Variants in FRAS1 observed in about 807,000 individuals in gnomAD.
FRAS1 encodes extracellular matrix organizing protein FRAS1.
FRAS1 carries 290 observed loss-of-function variants against 435.2 expected under a neutral mutation model. That is an observed-to-expected ratio of 0.67 (90% CI 0.61 to 0.73). The LOEUF (loss-of-function observed/expected upper bound fraction) is 0.73. Ranked by LOEUF, FRAS1 falls within the 30% of genes least tolerant of loss-of-function variation. FRAS1 has a pLI of 0.00. For missense variants in FRAS1, 4,860 were observed against 5,001.5 expected (o/e 0.97, Z 0.85); for synonymous variants, 1,800 against 1,851.0 (o/e 0.97, Z 0.71).
chr4:78,346,753 C>T (rs1730617331), intron 20 of FRAS1, among the ~76,000 whole-genome samples: 1 of 152,116 alleles, frequency 6.6e-6, no homozygotes, highest in Admixed American at 6.5e-5. Flanking sequence ...CTTCTATTAC[C>T]TCTTTTTCCT....
chr4:78,450,032 C>A, intron 44 of FRAS1, 119 bp from the exon 45 acceptor site: 3 of 654,372 alleles, frequency 4.6e-6, no homozygotes, highest in Non-Finnish European at 7.5e-6. Flanking sequence ...AGGGCAAGTG[C>A]CTGGTACCTA....
intron 56 of FRAS1, 92 bp from the exon 57 acceptor site, chr4:78,481,712 A>G: frequency 1.4e-6 from 2 of 1,390,728 alleles, no homozygotes; most frequent in East Asian, 2.3e-5. Flanking sequence ...AAAAGCTGCC[A>G]CTATTGCAGT....
chr4:78,070,270 T>C (rs1201217021), intron 2 of FRAS1, among the ~76,000 whole-genome samples: 1 of 148,612 alleles, frequency 6.7e-6, no homozygotes, highest in Non-Finnish European at 1.5e-5. Context: ...TATATATATA[T>C]ATATACCTCC....
chr4:78,533,443 G>A (rs1721782287), intron 70 of FRAS1, among the ~76,000 whole-genome samples: 1 of 152,218 alleles, frequency 6.6e-6, no homozygotes, highest in Non-Finnish European at 1.5e-5. Flanking sequence ...GGGAAGAGTA[G>A]CTGGAGATGA....
intron 14 of FRAS1, among the ~76,000 whole-genome samples, chr4:78,304,228 C>G (rs1728580375): frequency 6.6e-6 from 1 of 152,010 alleles, no homozygotes; most frequent in Admixed American, 6.6e-5. Flanking sequence ...GGTGGATAAC[C>G]TTTTTGATGT....
intron 30 of FRAS1, among the ~76,000 whole-genome samples, chr4:78,404,747 G>A (rs1560708446): frequency 6.6e-6 from 1 of 152,134 alleles, no homozygotes; most frequent in Non-Finnish European, 1.5e-5. Flanking sequence ...CTTAGTTCAG[G>A]TTCCCATCTC....
chr4:78,450,591 A>C, intron 45 of FRAS1: 1 of 452,070 alleles, frequency 2.2e-6, no homozygotes, highest in Non-Finnish European at 4.0e-6. Context: ...TGGAGAGAAA[A>C]AGTTATTTTG....
At chr4:78,499,608 A>G (rs1284734863) in intron 60 of FRAS1, 113 bp from the exon 61 acceptor site, 2 of 969,352 alleles carry the variant, frequency 2.1e-6, no homozygotes, top group African/African-American at 3.3e-5. Context: ...TTGCCTTCAT[A>G]CTGTTAACTA....
chr4:78,315,848 CT>C, intron 16 of FRAS1, 114 bp downstream of exon 16: 1 of 1,136,388 alleles, frequency 8.8e-7, no homozygotes, highest in African/African-American at 1.5e-5. Flanking sequence ...GAAAGCATAA[CT>C]TTAAAAGATA....
At chr4:78,460,442 T>C (rs1425451452) in intron 47 of FRAS1, among the ~76,000 whole-genome samples, 1 of 152,228 alleles carries the variant, frequency 6.6e-6, no homozygotes, top group East Asian at 1.9e-4. Context: ...AGGGACAATA[T>C]GTTATTAGAA....
In FRAS1 at chr4:78,099,541, CTT is replaced by C. The variant is rs541616265; in HGVS notation, c.108+33526_108+33527del. Among the ~76,000 whole-genome samples, 343 of 152,290 alleles carry C rather than the reference CTT, an allele frequency of 2.3e-3. 3 individuals carry two copies. The highest frequency in any genetic ancestry group is 3.9e-3 in the Non-Finnish European group (265 of 68,018). ...ATTGAATATATCTATTGAATAAACT[CTT>C]ATAAACACTTACTATGTTCCTGGCA... On this transcript the variant is annotated intron_variant, in intron 2 of 73. Transcript: ENST00000512123.
chr4:78,272,515 C>T (rs1354403062), intron 9 of FRAS1, among the ~76,000 whole-genome samples: 1 of 152,198 alleles, frequency 6.6e-6, no homozygotes, highest in Admixed American at 6.5e-5. Context: ...GATCCAGTTT[C>T]AGCCTTCTAC....
At chr4:78,239,056 C>G (rs1724886032) in intron 3 of FRAS1, among the ~76,000 whole-genome samples, 1 of 152,156 alleles carries the variant, frequency 6.6e-6, no homozygotes, top group Non-Finnish European at 1.5e-5. Flanking sequence ...ATGTATAGAC[C>G]TTGGCTGCAA....
chr4:78,138,006 C>T (rs961553641), intron 2 of FRAS1, among the ~76,000 whole-genome samples: 23 of 152,132 alleles, frequency 1.5e-4, no homozygotes, highest in African/African-American at 4.6e-4. Flanking sequence ...TATTAGTGGT[C>T]GGGTGCACCC....
At chr4:78,419,893 TCTCACTCA>T (rs745520188) in intron 33 of FRAS1, among the ~76,000 whole-genome samples, 2 of 151,912 alleles carry the variant, frequency 1.3e-5, no homozygotes, top group African/African-American at 4.8e-5. Flanking sequence ...TTGTTTAAAA[TCTCACTCA>T]CTCACTCACT....
chr4:78,274,937 G>A (rs995085174), intron 9 of FRAS1, among the ~76,000 whole-genome samples: 8 of 152,136 alleles, frequency 5.3e-5, no homozygotes, highest in Non-Finnish European at 1.0e-4. Context: ...CATTATTATT[G>A]TGTGGGAGTC....
rs1734526946 is a variant in FRAS1 at position 78,438,699 on chromosome 4, A to G, written c.5347A>G (p.Ile1783Val). The G allele has an allele frequency of 1.2e-6, 2 of 1,601,258 alleles. No individual in the cohort carries two copies. The highest frequency in any genetic ancestry group is 2.2e-5 in the East Asian group (1 of 44,700). Residue 1783 changes from isoleucine to valine, a missense_variant, in exon 39 of 74, where the codon ATC becomes GTC. Ile to Val is a conservative substitution (Grantham distance 29). Transcript: ENST00000512123. ...SEVSNFTMED[I>V]NNKKIRYSAV... ...AGTTTCCAATTTCACAATGGAAGACATCAATAACAAGAAAATCAGGTACAT... is the reference window on the plus strand; with the variant it reads ...AGTTTCCAATTTCACAATGGAAGACGTCAATAACAAGAAAATCAGGTACAT...
At chr4:78,201,055 A>G (rs1055090587) in intron 2 of FRAS1, among the ~76,000 whole-genome samples, 3 of 152,044 alleles carry the variant, frequency 2.0e-5, no homozygotes, top group African/African-American at 4.8e-5. Flanking sequence ...AACTTTGTTC[A>G]TACTTTTCTG....
chr4:78,232,564 C>T (rs1276482155), intron 2 of FRAS1, among the ~76,000 whole-genome samples: 7 of 152,226 alleles, frequency 4.6e-5, no homozygotes, highest in South Asian at 4.2e-4. Context: ...GGATTACAGG[C>T]GTGAGCCACC....
Sources: gnomAD v4.1 joint callset for allele counts (sites outside exome capture counted in the v4.1 genomes callset) on GRCh38, gnomAD v4.1.1 for gene constraint, MANE v1.5 for transcripts, NCBI Gene and HGNC (gene_info 2026-07-23, HGNC 2026-07-21) for gene names.